KLF12: variants seen among roughly 807,000 people sequenced by gnomAD.
KLF12 encodes KLF transcription factor 12, also known as Krueppel-like factor 12.
In KLF12, 9 loss-of-function variants were observed where a neutral mutation model predicts 37.8. That is an observed-to-expected ratio of 0.24 (90% confidence interval 0.14 to 0.42). KLF12 has a LOEUF of 0.42. Ranked by LOEUF, KLF12 falls within the 10% of genes least tolerant of loss-of-function variation. The pLI is 1.00. For synonymous variants in KLF12, 208 were observed against 202.1 expected (o/e 1.03, Z -0.25); for missense variants, 411 against 516.0 (o/e 0.80, Z 1.97).
the KLF12 span, among the ~76,000 whole-genome samples, chr13:74,190,608 T>G: frequency 6.6e-6 from 1 of 152,220 alleles, no homozygotes; most frequent in Non-Finnish European, 1.5e-5. Context: ...CTTCCTCAAT[T>G]AATACTTTAT....
chr13:73,866,557 T>C lies in KLF12; in HGVS notation c.124-20184A>G, dbSNP rs112601608. On this transcript the variant is annotated intron_variant, in intron 3 of 7. Coordinates refer to ENST00000377669, the MANE Select transcript of KLF12 (RefSeq NM_007249.5). ...ATGACAGAACCAGAAGACAACAGGA[T>C]AGGTTTACATTCTGAAATAAAAAAA... Among the ~76,000 whole-genome samples, 4 of 152,118 alleles carry C rather than the reference T, an allele frequency of 2.6e-5. 1 individual carries two copies. The highest frequency in any genetic ancestry group is 9.6e-5 in the African/African-American group (4 of 41,514).
At chr13:74,009,845 CT>C (rs1892505310) in intron 1 of KLF12, among the ~76,000 whole-genome samples, 1 of 152,200 alleles carries the variant, frequency 6.6e-6, no homozygotes, top group Non-Finnish European at 1.5e-5. Context: ...CTGACTCTAG[CT>C]ACCATTTGGG....
At chr13:73,961,393 C>T (rs74095922) in intron 2 of KLF12, among the ~76,000 whole-genome samples, 1,594 of 152,252 alleles carry the variant, frequency 0.01, 21 homozygotes, top group African/African-American at 0.037. Flanking sequence ...AAATCAACAA[C>T]TCTTCTCAGA....
At chr13:73,846,491 G>C in intron 3 of KLF12, 118 bp from the exon 4 acceptor site, 1 of 922,772 alleles carries the variant, frequency 1.1e-6, no homozygotes, top group Non-Finnish European at 1.6e-6. Flanking sequence ...ACATTTATTC[G>C]TTCTCCAAAT....
chr13:73,792,145 A>C (rs558756096), intron 5 of KLF12, among the ~76,000 whole-genome samples: 2 of 152,000 alleles, frequency 1.3e-5, no homozygotes, highest in East Asian at 1.9e-4. Flanking sequence ...CTGCAACTCT[A>C]CTCTCCTCTC....
At chr13:73,706,100 C>T (rs367932107) in intron 7 of KLF12, among the ~76,000 whole-genome samples, 11 of 152,062 alleles carry the variant, frequency 7.2e-5, no homozygotes, top group African/African-American at 2.2e-4. Context: ...TGCAGTGAGC[C>T]GAGATCGTGC....
At chr13:73,948,931 T>A (rs541978063) in intron 2 of KLF12, among the ~76,000 whole-genome samples, 12 of 152,360 alleles carry the variant, frequency 7.9e-5, no homozygotes, top group African/African-American at 2.4e-4. Flanking sequence ...CATTTTGTCA[T>A]TATCTTGGTA....
intron 2 of KLF12, among the ~76,000 whole-genome samples, chr13:73,947,310 T>G (rs181207138): frequency 6.6e-6 from 1 of 152,174 alleles, no homozygotes; most frequent in East Asian, 1.9e-4. Context: ...ACCAATTCCA[T>G]GTGCACGGGA....
chr13:73,976,680 C>T (rs1891533162), intron 2 of KLF12, among the ~76,000 whole-genome samples: 1 of 152,122 alleles, frequency 6.6e-6, no homozygotes, highest in African/African-American at 2.4e-5. Flanking sequence ...AAATAATATC[C>T]TCATCACGCT....
the KLF12 span, among the ~76,000 whole-genome samples, chr13:74,280,705 C>T: frequency 3.9e-5 from 6 of 152,186 alleles, no homozygotes; most frequent in Non-Finnish European, 7.4e-5. Flanking sequence ...TTTGGTTTTC[C>T]ACCACCCTGT....
At chr13:74,283,517 C>T in the KLF12 span, among the ~76,000 whole-genome samples, 1 of 152,136 alleles carries the variant, frequency 6.6e-6, no homozygotes, top group African/African-American at 2.4e-5. Context: ...CACTACATTC[C>T]ATGCAGATAC....
intron 6 of KLF12, among the ~76,000 whole-genome samples, chr13:73,752,142 T>C (rs1878802435): frequency 6.6e-6 from 1 of 152,062 alleles, no homozygotes; most frequent in Admixed American, 6.6e-5. Context: ...GCCACTGCAC[T>C]CAGCTAATTT....
the KLF12 span, among the ~76,000 whole-genome samples, chr13:74,220,952 G>T: frequency 6.6e-6 from 1 of 151,336 alleles, no homozygotes; most frequent in South Asian, 2.1e-4. Context: ...GATTTGTCTA[G>T]CCTGCCATTT....
At chr13:73,777,160 C>CTAAGATACAGCT (rs1229899242) in intron 5 of KLF12, among the ~76,000 whole-genome samples, 1 of 151,986 alleles carries the variant, frequency 6.6e-6, no homozygotes, top group African/African-American at 2.4e-5. Flanking sequence ...GCTGGGTGTC[C>CTAAGATACAGCT]TAAGATACAG....
the KLF12 span, among the ~76,000 whole-genome samples, chr13:74,269,941 G>A: frequency 6.6e-6 from 1 of 152,190 alleles, no homozygotes; most frequent in Non-Finnish European, 1.5e-5. Context: ...AGTGCTATCT[G>A]CTGTTTGTGG....
intron 3 of KLF12, among the ~76,000 whole-genome samples, chr13:73,916,204 TACTTACACAC>T (rs1220410448): frequency 4.1e-5 from 5 of 123,184 alleles, no homozygotes; most frequent in African/African-American, 1.3e-4. Flanking sequence ...GAAGAGCTAA[TACTTACACAC>T]ACACACACAC....
At chr13:73,970,572 T>C (rs1327965750) in intron 2 of KLF12, among the ~76,000 whole-genome samples, 1 of 152,194 alleles carries the variant, frequency 6.6e-6, no homozygotes, top group Non-Finnish European at 1.5e-5. Flanking sequence ...GCTTCCAGGT[T>C]GGCGGGGCCA....
chr13:74,129,070 G>A (rs141195893), intron 1 of KLF12, among the ~76,000 whole-genome samples: 1 of 152,080 alleles, frequency 6.6e-6, no homozygotes, highest in Non-Finnish European at 1.5e-5. Flanking sequence ...TACCCTTGGA[G>A]GGTTGACTCC....
At chr13:74,040,401 C>T (rs894669761) in intron 1 of KLF12, among the ~76,000 whole-genome samples, 1 of 152,150 alleles carries the variant, frequency 6.6e-6, no homozygotes, top group Admixed American at 6.5e-5. Context: ...CCACTCCTGA[C>T]GACTGACACC....
Sources: allele counts gnomAD v4.1 joint callset (sites outside exome capture counted in the v4.1 genomes callset), GRCh38; gene constraint gnomAD v4.1.1; transcripts MANE v1.5; gene names NCBI Gene and HGNC (gene_info 2026-07-23, HGNC 2026-07-21).